ALPK3: variants seen among roughly 807,000 people sequenced by gnomAD.
ALPK3 encodes alpha kinase 3, also known as alpha-protein kinase 3.
ALPK3 carries 102 observed loss-of-function variants against 140.0 expected under a neutral mutation model. The observed-to-expected ratio is 0.73, with a 90% CI of 0.62 to 0.86. The LOEUF (loss-of-function observed/expected upper bound fraction) is 0.86, where lower values mean the gene tolerates loss of function less well. ALPK3 is among the 40% of genes least tolerant of loss of function. The pLI is 0.00. For missense variants in ALPK3, 2,254 were observed against 2,208.2 expected (o/e 1.02, Z -0.42); for synonymous variants, 938 against 898.5 (o/e 1.04, Z -0.79).
chr15:84,830,646 G>C (rs1283410976), intron 3 of ALPK3, among the ~76,000 whole-genome samples: 2 of 152,162 alleles, frequency 1.3e-5, no homozygotes, highest in Non-Finnish European at 2.9e-5. Context: ...GAGTACATGG[G>C]AAGTAGATGT....
In ALPK3 at chr15:84,857,748, G is replaced by C; in HGVS notation, c.3010G>C (p.Ala1004Pro). 6.2e-7 allele frequency: 1 copy of C among 1,613,320 alleles called. No homozygotes were observed. Among genetic ancestry groups the C allele is most frequent in the Non-Finnish European group, 8.5e-7 (1 of 1,179,542 alleles). The change falls in exon 6 of 14, where the codon GCT becomes CCT. Residue 1004 changes from alanine (A) to proline (P), a missense_variant. Ala to Pro is a conservative substitution (Grantham distance 27). This residue lies in a region of ALPK3 where 2,088 missense variants were observed against 2,022.9 expected (regional missense o/e 1.03). Transcript: ENST00000258888. ...SATLTPTVEVAGLSPRTSRRI... is the reference protein window; with the variant it reads ...SATLTPTVEVPGLSPRTSRRI... ...CACTCTGACACCCACTGTGGAAGTG[G>C]CTGGGCTTAGTCCCCGGACATCGAG...
chr15:84,823,240 G>A lies in ALPK3; in HGVS notation c.144-90G>A. ...ATAGAAAGGCTTCTGGGCCCCAGAT[G>A]GTGGCCGATTAATAGTTTGCGACTG... On this transcript the variant is annotated intron_variant, in intron 1 of 13. Coordinates refer to ENST00000258888, the MANE Select transcript of ALPK3 (RefSeq NM_020778.5). The A allele has an allele frequency of 2.1e-6, 3 of 1,446,538 alleles. No homozygotes were observed. The South Asian group carries it at 3.5e-5, about 17-fold the overall frequency. 89.6% of individuals were successfully genotyped at this position (1,446,538 alleles called of 1,614,324 possible).
At chr15:84,839,582 C>A in intron 4 of ALPK3, 120 bp from the exon 5 acceptor site, 1 of 1,113,230 alleles carries the variant, frequency 9.0e-7, no homozygotes, top group Non-Finnish European at 1.3e-6. Flanking sequence ...GCGTAGCACA[C>A]GGCAGGGCTT....
intron 9 of ALPK3, among the ~76,000 whole-genome samples, chr15:84,861,597 A>G (rs537689491): frequency 7.2e-5 from 11 of 152,310 alleles, no homozygotes; most frequent in African/African-American, 2.4e-4. Flanking sequence ...GCCTAAATCT[A>G]TTATTTCATT....
chr15:84,827,037 G>A (rs1963495510), intron 2 of ALPK3, among the ~76,000 whole-genome samples: 2 of 152,182 alleles, frequency 1.3e-5, no homozygotes, highest in African/African-American at 4.8e-5. Flanking sequence ...GAATCACTGA[G>A]GGTTGGCTGG....
At chr15:84,828,540 G>A (rs1410732513) in intron 3 of ALPK3, among the ~76,000 whole-genome samples, 4 of 152,154 alleles carry the variant, frequency 2.6e-5, no homozygotes, top group African/African-American at 7.2e-5. Flanking sequence ...AAGGTCATTC[G>A]TGGTTTCCAG....
At chr15:84,859,440 A>G in intron 7 of ALPK3, 50 bp downstream of exon 7, 1 of 1,606,704 alleles carries the variant, frequency 6.2e-7, no homozygotes, top group Non-Finnish European at 8.5e-7. Flanking sequence ...GATTGCAGTA[A>G]TACCGTTGGG....
intron 3 of ALPK3, among the ~76,000 whole-genome samples, chr15:84,827,904 G>A (rs1188641819): frequency 1.3e-5 from 2 of 152,210 alleles, no homozygotes; most frequent in African/African-American, 2.4e-5. Context: ...AAGAAAAGAA[G>A]TACTCCAATG....
chr15:84,841,175 C>G (rs1963661235), intron 5 of ALPK3, among the ~76,000 whole-genome samples: 1 of 152,166 alleles, frequency 6.6e-6, no homozygotes, highest in African/African-American at 2.4e-5. Flanking sequence ...AGTTCACAGC[C>G]AAGGGGACTG....
intron 2 of ALPK3, among the ~76,000 whole-genome samples, chr15:84,823,884 A>G (rs763592608): frequency 1.5e-4 from 23 of 152,000 alleles, no homozygotes; most frequent in Non-Finnish European, 7.4e-5. Context: ...CTAATTTTTA[A>G]AAATTTTCTT....
intron 5 of ALPK3, among the ~76,000 whole-genome samples, chr15:84,849,421 T>C (rs1364720150): frequency 6.6e-6 from 1 of 152,204 alleles, no homozygotes; most frequent in Non-Finnish European, 1.5e-5. Flanking sequence ...AACTATCTAA[T>C]AGACATATAT....
At chr15:84,865,455 A>G (rs1963992252) in intron 12 of ALPK3, among the ~76,000 whole-genome samples, 1 of 152,136 alleles carries the variant, frequency 6.6e-6, no homozygotes, top group African/African-American at 2.4e-5. Context: ...ATAGCTCCAT[A>G]TACTGGGGGG....
intron 1 of ALPK3, among the ~76,000 whole-genome samples, chr15:84,818,811 C>T (rs1332663445): frequency 6.6e-6 from 1 of 152,150 alleles, no homozygotes; most frequent in Non-Finnish European, 1.5e-5. Flanking sequence ...CAACAAGGCC[C>T]CTGGCTGCCA....
At chr15:84,867,579 G>A (rs1210549160) in intron 13 of ALPK3, among the ~76,000 whole-genome samples, 40 of 152,040 alleles carry the variant, frequency 2.6e-4, no homozygotes, top group Non-Finnish European at 1.3e-4. Context: ...CACACATGGG[G>A]TCCCCTGCAA....
Position 84,845,901 on chromosome 15 carries a change from A to G in ALPK3, c.1653+4969A>G, listed in dbSNP as rs112305178. On this transcript the variant is annotated intron_variant, in intron 5 of 13. Coordinates refer to ENST00000258888, the MANE Select transcript of ALPK3 (RefSeq NM_020778.5). ...TAGTGAAACACTTTCTCTACTAAAA[A>G]TAGAAAAAATTAGCCAGGCATAGTG... Among the ~76,000 whole-genome samples, 1,452 of 152,298 alleles carry G rather than the reference A, an allele frequency of 9.5e-3. 24 individuals carry two copies. Among genetic ancestry groups the G allele is most frequent in the African/African-American group, 0.034 (1,396 of 41,562 alleles).
At chr15:84,843,111 AG>A (rs972034364) in intron 5 of ALPK3, among the ~76,000 whole-genome samples, 1 of 152,138 alleles carries the variant, frequency 6.6e-6, no homozygotes, top group Non-Finnish European at 1.5e-5. Flanking sequence ...AGGTAGGAGG[AG>A]GGGCTCAGGC....
In ALPK3 at chr15:84,827,569, G is replaced by A. The variant is rs780318912; in HGVS notation, c.268G>A (p.Glu90Lys). The change falls in exon 3 of 14, where the codon GAG (glutamate) becomes AAG (lysine). Residue 90 changes from glutamate (E) to lysine (K), a missense_variant. Glu to Lys is a moderately conservative substitution (Grantham distance 56, BLOSUM62 1). Around this residue, in one of 3 missense-constraint regions of ALPK3, gnomAD observed 2,088 missense variants for 2,022.9 expected, o/e 1.03. Transcript: ENST00000258888. ...ETTLKSRSVSEDSDVRFTCIV... is the reference protein window; with the variant it reads ...ETTLKSRSVSKDSDVRFTCIV... ...CACGCTCAAGTCCCGGTCTGTGTCC[G>A]AGGACAGCGACGTCAGGTTCACCTG... 17 of 1,614,038 alleles carry A rather than the reference G, an allele frequency of 1.1e-5. No homozygotes were observed. The highest frequency in any genetic ancestry group is 1.7e-4 in the Middle Eastern group (1 of 6,032).
At chr15:84,847,912 A>G (rs1963751136) in intron 5 of ALPK3, among the ~76,000 whole-genome samples, 1 of 151,956 alleles carries the variant, frequency 6.6e-6, no homozygotes, top group South Asian at 2.1e-4. Flanking sequence ...TACAAAAAAA[A>G]TTAGCCAGGG....
At chr15:84,867,448 C>T in intron 13 of ALPK3, 83 bp downstream of exon 13, 2 of 1,535,186 alleles carry the variant, frequency 1.3e-6, no homozygotes, top group South Asian at 1.1e-5. Flanking sequence ...TTCTCCATCC[C>T]TGAGGTGCTG....
Sources: gnomAD v4.1 joint callset for allele counts (sites outside exome capture counted in the v4.1 genomes callset) on GRCh38, gnomAD v4.1.1 for gene constraint, gnomAD v4.1.1 regional missense constraint, MANE v1.5 for transcripts, NCBI Gene and HGNC (gene_info 2026-07-23, HGNC 2026-07-21) for gene names.